CAMKMT: variants seen among roughly 807,000 people sequenced by gnomAD.
CAMKMT encodes the protein calmodulin-lysine N-methyltransferase.
CAMKMT carries 53 observed loss-of-function variants against 48.0 expected under a neutral mutation model. The observed-to-expected ratio is 1.10, with a 90% CI of 0.89 to 1.39. The LOEUF (loss-of-function observed/expected upper bound fraction) is 1.39, where lower values mean the gene tolerates loss of function less well. Ranked by LOEUF, CAMKMT falls within the 40% of genes most tolerant of loss-of-function variation. CAMKMT has a pLI of 0.00. For missense variants in CAMKMT, 428 were observed against 402.7 expected, an observed-to-expected ratio of 1.06 and a Z score of -0.54; for synonymous variants, 165 against 152.3, an observed-to-expected ratio of 1.08 and a Z score of -0.61.
At chr2:44,651,781 A>T (rs1308039642) in intron 3 of CAMKMT, among the ~76,000 whole-genome samples, 1 of 152,216 alleles carries the variant, frequency 6.6e-6, no homozygotes, top group African/African-American at 2.4e-5. Flanking sequence ...ATTTAAATGT[A>T]TTCAACTTAC....
intron 3 of CAMKMT, among the ~76,000 whole-genome samples, chr2:44,663,550 G>C (rs1443552303): frequency 6.6e-6 from 1 of 152,178 alleles, no homozygotes; most frequent in Non-Finnish European, 1.5e-5. Flanking sequence ...CTCCACTCAA[G>C]TCCATTTTCA....
At chr2:44,597,348 T>C (rs993630800) in intron 3 of CAMKMT, among the ~76,000 whole-genome samples, 2 of 152,246 alleles carry the variant, frequency 1.3e-5, no homozygotes, top group South Asian at 2.1e-4. Context: ...TTACTAAATA[T>C]AGAATCATTT....
chr2:44,675,265 G>C (rs148217748), intron 3 of CAMKMT, among the ~76,000 whole-genome samples: 7 of 152,000 alleles, frequency 4.6e-5, no homozygotes, highest in African/African-American at 1.4e-4. Flanking sequence ...ACTTCTCCTG[G>C]TTTCAGCACT....
chr2:44,560,324 C>A (rs543691716), intron 3 of CAMKMT, among the ~76,000 whole-genome samples: 1 of 152,194 alleles, frequency 6.6e-6, no homozygotes, highest in African/African-American at 2.4e-5. Context: ...CTCTGTTGCT[C>A]AGGCTGGAGT....
chr2:44,657,247 A>G lies in CAMKMT; in HGVS notation c.377-47036A>G, dbSNP rs969669614. Among the ~76,000 whole-genome samples the G allele has an allele frequency of 6.6e-6, 1 of 152,234 alleles. No homozygotes were observed. The highest frequency in any genetic ancestry group is 2.4e-5 in the African/African-American group (1 of 41,448). ...AGATTCAGATAACTTCTTCAATTTG[A>G]GGTTCCTGGTACATTAAAGAACTAA... On this transcript the variant is annotated intron_variant, in intron 3 of 10. Transcript: ENST00000378494. The surrounding 1 kb of genome is among the most constrained non-coding windows in gnomAD (Gnocchi z 4.3).
rs1164306152 is a variant in CAMKMT at position 44,653,071 on chromosome 2, CA to C, written c.377-51211del. On this transcript the variant is annotated intron_variant, in intron 3 of 10. Transcript: ENST00000378494. The surrounding 1 kb of genome is among the most constrained non-coding windows in gnomAD (Gnocchi z 5.2). ...TGTGCACATCCTGGTCAAATCTGGT[CA>C]CTTGGCATATTCTGATTCCTCCCAG... Among the ~76,000 whole-genome samples the C allele has an allele frequency of 6.6e-6, 1 of 152,164 alleles. No homozygotes were observed. Among genetic ancestry groups the C allele is most frequent in the Admixed American group, 6.5e-5 (1 of 15,272 alleles).
At chr2:44,483,675 A>G (rs559489829) in intron 3 of CAMKMT, among the ~76,000 whole-genome samples, 1 of 152,298 alleles carries the variant, frequency 6.6e-6, no homozygotes, top group East Asian at 1.9e-4. Flanking sequence ...ATGCTGTTTC[A>G]GTTCTCAATA....
chr2:44,473,116 T>G (rs979518614), intron 3 of CAMKMT, among the ~76,000 whole-genome samples: 1 of 152,186 alleles, frequency 6.6e-6, no homozygotes, highest in African/African-American at 2.4e-5. Context: ...ATTGGTGAAA[T>G]GGTAGCTGAA....
chr2:44,698,056 A>C lies in CAMKMT; in HGVS notation c.377-6227A>C, dbSNP rs1257930390. Among the ~76,000 whole-genome samples, 10 of 152,208 alleles carry C rather than the reference A, an allele frequency of 6.6e-5. No homozygotes were observed. The East Asian group carries it at 1.9e-3, about 29-fold the overall frequency. On this transcript the variant is annotated intron_variant, in intron 3 of 10. Transcript: ENST00000378494. ...AATTTGAAAAGAAAATCTTTTTGAA[A>C]GGCAATTTTATTCCCACAAATAAGA... is the stretch of plus-strand genomic sequence containing the variant.
intron 9 of CAMKMT, among the ~76,000 whole-genome samples, chr2:44,761,393 T>A (rs900596354): frequency 6.6e-6 from 1 of 152,122 alleles, no homozygotes; most frequent in African/African-American, 2.4e-5. Flanking sequence ...ATGGGGCCGG[T>A]CACGTGGGGC....
At chr2:44,739,383 A>G (rs369667830) in intron 7 of CAMKMT, among the ~76,000 whole-genome samples, 50 of 152,358 alleles carry the variant, frequency 3.3e-4, no homozygotes, top group African/African-American at 1.1e-3. Context: ...TGTAAAAGAA[A>G]GAGTCAAAGA....
intron 3 of CAMKMT, among the ~76,000 whole-genome samples, chr2:44,473,495 A>T (rs1411747075): frequency 6.6e-6 from 1 of 152,196 alleles, no homozygotes. Flanking sequence ...ATAAAATGGT[A>T]TGTTTTATAA....
At position 44,690,011 on chromosome 2, in the gene CAMKMT, G is replaced by A. The variant is rs552471581; in HGVS notation, c.377-14272G>A. ...CACATCTAGTTTATATAGGTGTAGG[G>A]CAGTTATTTTCTGAAGCTCTGAGAT... On this transcript the variant is annotated intron_variant, in intron 3 of 10. Coordinates refer to ENST00000378494, the MANE Select transcript of CAMKMT (RefSeq NM_024766.5). Among the ~76,000 whole-genome samples the A allele has an allele frequency of 7.9e-5, 12 of 152,284 alleles. No individual in the cohort carries two copies. In the South Asian group the frequency reaches 2.5e-3, roughly 32 times the overall value.
At chr2:44,683,949 A>T (rs116576924) in intron 3 of CAMKMT, among the ~76,000 whole-genome samples, 2 of 152,118 alleles carry the variant, frequency 1.3e-5, no homozygotes, top group Non-Finnish European at 2.9e-5. Flanking sequence ...TCATGTCACT[A>T]ATGGTATGAA....
intron 2 of CAMKMT, among the ~76,000 whole-genome samples, chr2:44,384,831 G>A (rs74758505): frequency 0.1 from 15,438 of 151,974 alleles, 2,563 homozygotes; most frequent in African/African-American, 0.35. Context: ...TTCTGTTCCA[G>A]TGGTCTCTGT....
intron 3 of CAMKMT, chr2:44,392,142 A>T (rs1156770973): frequency 6.6e-6 from 1 of 152,166 alleles, no homozygotes; most frequent in African/African-American, 2.4e-5. Flanking sequence ...TATTAGGATT[A>T]TTCTGTCTTA....
intron 3 of CAMKMT, among the ~76,000 whole-genome samples, chr2:44,521,195 C>G (rs2104797241): frequency 6.6e-6 from 1 of 152,276 alleles, no homozygotes; most frequent in South Asian, 2.1e-4. Context: ...ATTAGATGCT[C>G]TGCTCATGGT....
intron 3 of CAMKMT, among the ~76,000 whole-genome samples, chr2:44,429,347 T>C (rs1684495096): frequency 6.6e-6 from 1 of 151,948 alleles, no homozygotes; most frequent in South Asian, 2.1e-4. Flanking sequence ...TAATTCAAAC[T>C]AATATTTCTG....
At chr2:44,485,537 T>G (rs910147102) in intron 3 of CAMKMT, among the ~76,000 whole-genome samples, 3 of 152,048 alleles carry the variant, frequency 2.0e-5, no homozygotes, top group Admixed American at 1.3e-4. Flanking sequence ...CATCATAGAG[T>G]GTACTTACAC....
Sources: gnomAD v4.1 joint callset for allele counts (sites outside exome capture counted in the v4.1 genomes callset) on GRCh38, gnomAD v4.1.1 for gene constraint, Gnocchi (gnomAD v3.1) non-coding constraint, MANE v1.5 for transcripts, NCBI Gene and HGNC (gene_info 2026-07-23, HGNC 2026-07-21) for gene names.